SBF2: variants seen among roughly 807,000 people sequenced by gnomAD.
SBF2 encodes the protein SET binding factor 2.
SBF2 carries 112 observed loss-of-function variants against 225.2 expected under a neutral mutation model. The ratio of observed to expected loss-of-function variants is 0.50; its 90% CI spans 0.43 to 0.58. The LOEUF is 0.58. Ranked by LOEUF, SBF2 falls within the 20% of genes least tolerant of loss-of-function variation. SBF2 has a pLI of 0.00. For missense variants in SBF2, 1,996 were observed against 2,206.2 expected, an observed-to-expected ratio of 0.90 and a Z score of 1.91; for synonymous variants, 763 against 773.3, an observed-to-expected ratio of 0.99 and a Z score of 0.22.
chr11:9,905,894 T>C (rs940894880), intron 16 of SBF2, among the ~76,000 whole-genome samples: 1 of 152,158 alleles, frequency 6.6e-6, no homozygotes, highest in African/African-American at 2.4e-5. Flanking sequence ...AACTAAAATA[T>C]TACTTTGAAG....
chr11:9,868,652 C>G (rs185315547), intron 17 of SBF2, among the ~76,000 whole-genome samples: 59 of 152,256 alleles, frequency 3.9e-4, no homozygotes, highest in African/African-American at 1.3e-3. Flanking sequence ...TTGTATATTG[C>G]TAGCATCAAT....
intron 17 of SBF2, among the ~76,000 whole-genome samples, chr11:9,871,968 G>A (rs1161500233): frequency 6.6e-6 from 1 of 151,966 alleles, no homozygotes; most frequent in Non-Finnish European, 1.5e-5. Flanking sequence ...CCCATTACTG[G>A]GTATACGCCC....
At chr11:9,921,813 A>C (rs1230615776) in intron 16 of SBF2, among the ~76,000 whole-genome samples, 11 of 152,224 alleles carry the variant, frequency 7.2e-5, no homozygotes, top group Non-Finnish European at 1.5e-5. Flanking sequence ...CTGTCTTCAA[A>C]GGGCTTACAA....
chr11:9,912,066 C>T (rs1489148811), intron 16 of SBF2, among the ~76,000 whole-genome samples: 3 of 152,074 alleles, frequency 2.0e-5, no homozygotes, highest in Non-Finnish European at 2.9e-5. Context: ...CCTGTAATCC[C>T]AGCACTTTGG....
intron 2 of SBF2, among the ~76,000 whole-genome samples, chr11:10,142,577 T>C (rs1045903502): frequency 1.3e-5 from 2 of 152,166 alleles, no homozygotes; most frequent in African/African-American, 4.8e-5. Context: ...CCATTCTCTA[T>C]AGAAATGGCT....
At chr11:9,932,985 A>AAAAAAAAAAAAAAAC (rs1590511127) in intron 16 of SBF2, among the ~76,000 whole-genome samples, 1 of 146,512 alleles carries the variant, frequency 6.8e-6, no homozygotes, top group East Asian at 2.0e-4. Flanking sequence ...AAAAAAAAAA[A>AAAAAAAAAAAAAAAC]AACAGGTGTT....
chr11:10,046,626 G>T (rs959432158), intron 2 of SBF2, among the ~76,000 whole-genome samples: 3 of 149,864 alleles, frequency 2.0e-5, no homozygotes, highest in East Asian at 1.9e-4. Context: ...ACTTGATAAA[G>T]AATATCTTTT....
chr11:9,916,842 C>T (rs978634912), intron 16 of SBF2, among the ~76,000 whole-genome samples: 1 of 151,858 alleles, frequency 6.6e-6, no homozygotes, highest in African/African-American at 2.4e-5. Flanking sequence ...GCCTCAGCCT[C>T]CCAAGTGCTA....
chr11:9,917,538 C>G lies in SBF2; in HGVS notation c.1861-21527G>C, dbSNP rs188516097. Among the ~76,000 whole-genome samples, 81 of 151,528 alleles carry G rather than the reference C, an allele frequency of 5.3e-4. 5 individuals are homozygous for G. Among genetic ancestry groups the G allele is most frequent in the African/African-American group, 1.9e-3 (79 of 40,976 alleles). On this transcript the variant is annotated intron_variant, in intron 16 of 39. Coordinates refer to ENST00000256190, the MANE Select transcript of SBF2 (RefSeq NM_030962.4). The stretch of plus-strand genomic sequence containing the variant: ...CCAGAGATGGGGTTTCACCATGTTG[C>G]CCAGGCTGGTCTTGAACTCCTGAGC...
chr11:9,994,577 C>CATAT (rs377348270), intron 9 of SBF2, among the ~76,000 whole-genome samples: 33 of 134,114 alleles, frequency 2.5e-4, no homozygotes, highest in South Asian at 1.1e-3. Flanking sequence ...TATATATGTA[C>CATAT]ATATATATAT....
chr11:10,034,288 T>G (rs1391455909), intron 3 of SBF2, among the ~76,000 whole-genome samples: 1 of 152,236 alleles, frequency 6.6e-6, no homozygotes. Context: ...GTGTAACTTA[T>G]GTGTAGTTCA....
chr11:9,821,571 G>A (rs930544270), intron 28 of SBF2, among the ~76,000 whole-genome samples: 7 of 152,160 alleles, frequency 4.6e-5, no homozygotes, highest in Non-Finnish European at 8.8e-5. Flanking sequence ...TTTCCTGAAT[G>A]ATTTCTAGAT....
upstream of SBF2, among the ~76,000 whole-genome samples, chr11:10,298,485 C>T (rs763398291): frequency 3.3e-5 from 5 of 152,182 alleles, 1 homozygote; most frequent in Middle Eastern, 6.3e-3. Context: ...TGGGCTATTG[C>T]GGAGTAAGTG....
chr11:9,886,257 A>G (rs1860290920), intron 17 of SBF2, among the ~76,000 whole-genome samples: 1 of 152,172 alleles, frequency 6.6e-6, no homozygotes, highest in Non-Finnish European at 1.5e-5. Context: ...CTTCTATTCC[A>G]AAGTAGAAAT....
At chr11:9,975,990 G>A (rs568777716) in intron 13 of SBF2, among the ~76,000 whole-genome samples, 2 of 151,274 alleles carry the variant, frequency 1.3e-5, no homozygotes, top group Admixed American at 1.3e-4. Context: ...CTCCCATTAG[G>A]ATTCTATTTG....
At chr11:10,012,541 T>C (rs761983313) in intron 6 of SBF2, among the ~76,000 whole-genome samples, 1 of 152,210 alleles carries the variant, frequency 6.6e-6, no homozygotes, top group Non-Finnish European at 1.5e-5. Context: ...CCACTGTCAT[T>C]ATATTTTGTC....
intron 29 of SBF2, among the ~76,000 whole-genome samples, chr11:9,816,584 A>C (rs1019192597): frequency 5.3e-5 from 8 of 152,018 alleles, no homozygotes; most frequent in African/African-American, 1.7e-4. Context: ...CCTGATGTTT[A>C]TGTTGATTTT....
At chr11:10,266,842 A>G (rs1962044576) in intron 1 of SBF2, among the ~76,000 whole-genome samples, 1 of 152,182 alleles carries the variant, frequency 6.6e-6, no homozygotes, top group Admixed American at 6.5e-5. Context: ...TAATCCCAAC[A>G]CTTTGGGAAG....
intron 33 of SBF2, among the ~76,000 whole-genome samples, chr11:9,792,573 C>T (rs542421237): frequency 6.6e-6 from 1 of 152,258 alleles, no homozygotes; most frequent in South Asian, 2.1e-4. Flanking sequence ...ATAACGAGTG[C>T]ATCTACCAGA....
Sources: allele counts gnomAD v4.1 joint callset (sites outside exome capture counted in the v4.1 genomes callset), GRCh38; gene constraint gnomAD v4.1.1; transcripts MANE v1.5; gene names NCBI Gene and HGNC (gene_info 2026-07-23, HGNC 2026-07-21).